IQCH: variants seen among roughly 807,000 people sequenced by gnomAD.
The protein encoded by IQCH is IQ domain-containing protein H.
In IQCH, 98 loss-of-function variants were observed where a neutral mutation model predicts 117.0. That is an observed-to-expected ratio of 0.84 (90% CI 0.71 to 0.99). The LOEUF (loss-of-function observed/expected upper bound fraction) is 0.99, where lower values mean the gene tolerates loss of function less well. Ranked by LOEUF, IQCH falls within the 50% of genes least tolerant of loss-of-function variation. The pLI is 0.00. For synonymous variants in IQCH, 412 were observed against 448.2 expected (o/e 0.92, Z 1.02); for missense variants, 1,102 against 1,243.8 (o/e 0.89, Z 1.72).
chr15:67,274,861 CT>C (rs985653837), intron 3 of IQCH, among the ~76,000 whole-genome samples: 2 of 152,040 alleles, frequency 1.3e-5, no homozygotes, highest in Non-Finnish European at 2.9e-5. Flanking sequence ...TTGCTGTCTC[CT>C]TTTTGGCACT....
rs1965452208 is a variant in IQCH at position 67,261,309 on chromosome 15, C to T, written c.89C>T (p.Thr30Ile). The change falls in exon 2 of 21, where the codon ACA becomes ATA. Residue 30 changes from threonine (T) to isoleucine (I), a missense_variant. Physicochemically the swap from Thr to Ile is moderately conservative, Grantham distance 89 (BLOSUM62 -1). Around this residue, in one of 2 missense-constraint regions of IQCH, gnomAD observed 452 missense variants for 449.6 expected, o/e 1.01. Coordinates refer to ENST00000335894, the MANE Select transcript of IQCH (RefSeq NM_001031715.3). ...CTTTATCAGTTAAAGGAGAAATTAA[C>T]AAAATTCTCACCTGAGGAAAAAGGA... ...EDLYQLKEKL[T>I]KFSPEEKGET... is the part of the protein sequence containing the mutation. The T allele has an allele frequency of 6.4e-7, 1 of 1,570,932 alleles. No homozygotes were observed. The highest frequency in any genetic ancestry group is 8.6e-7 in the Non-Finnish European group (1 of 1,160,360).
chr15:67,358,375 T>C (rs1969999351), intron 7 of IQCH, among the ~76,000 whole-genome samples: 1 of 149,812 alleles, frequency 6.7e-6, no homozygotes, highest in African/African-American at 2.5e-5. Context: ...TTTGTATTTT[T>C]AGTAAAAACA....
At position 67,475,863 on chromosome 15, in the gene IQCH, G is replaced by A; in HGVS notation, c.2799+45G>A. ...GCCAGGGGCGGCCAAAGACATGCCT[G>A]TGGGTGATCTAGGTAGCTAATAATT... On this transcript the variant is annotated intron_variant, in intron 18 of 20. Transcript: ENST00000335894. The surrounding 1 kb of genome is among the most constrained non-coding windows in gnomAD (Gnocchi z 5.7). The A allele has an allele frequency of 6.4e-7, 1 of 1,553,972 alleles. No individual in the cohort carries two copies. The highest frequency in any genetic ancestry group is 1.1e-5 in the South Asian group (1 of 88,764).
At position 67,292,656 on chromosome 15, in the gene IQCH, T is replaced by C. The variant is rs138949421; in HGVS notation, c.387+13144T>C. Among the ~76,000 whole-genome samples, 79 of 152,324 alleles carry C rather than the reference T, an allele frequency of 5.2e-4. 1 individual carries two copies. The East Asian group carries it at 0.012, about 22-fold the overall frequency. ...AATTGTTAACCTTTACCATTTTTGC[T>C]TCATCTATTTTTATTGAAGTGTTTT... is the stretch of plus-strand genomic sequence containing the variant. On this transcript the variant is annotated intron_variant, in intron 4 of 20. Transcript: ENST00000335894.
rs1252684048 is a variant in IQCH, at chr15:67,364,985, G to C, written c.753+5100G>C. On this transcript the variant is annotated intron_variant, in intron 8 of 20. Coordinates refer to ENST00000335894, the MANE Select transcript of IQCH (RefSeq NM_001031715.3). This position sits in a 1 kb window ranked among gnomAD's most constrained non-coding sequence, Gnocchi z 4.1. ...AGATGCGGTCTCTCTCTGTCACCTA[G>C]TCTGCAGTGCAGTGGCACGATTGTG... Among the ~76,000 whole-genome samples, 2 of 152,154 alleles carry C rather than the reference G, an allele frequency of 1.3e-5. No individual in the cohort carries two copies. The highest frequency in any genetic ancestry group is 3.8e-4 in the East Asian group (2 of 5,196).
At chr15:67,271,129 C>A (rs184813225) in intron 3 of IQCH, among the ~76,000 whole-genome samples, 1 of 152,158 alleles carries the variant, frequency 6.6e-6, no homozygotes, top group South Asian at 2.1e-4. Flanking sequence ...CCACCGTGCC[C>A]GGCTAATTTT....
At chr15:67,303,078 A>G (rs140933701) in intron 4 of IQCH, among the ~76,000 whole-genome samples, 233 of 152,326 alleles carry the variant, frequency 1.5e-3, no homozygotes, top group African/African-American at 5.4e-3. Context: ...TCCAATTCCT[A>G]CAACATTTTA....
intron 5 of IQCH, among the ~76,000 whole-genome samples, chr15:67,339,793 A>G (rs1008705267): frequency 3.3e-5 from 5 of 152,202 alleles, no homozygotes; most frequent in Admixed American, 3.3e-4. Flanking sequence ...AGGTGGGGCA[A>G]GAATGTTCAT....
At chr15:67,409,809 G>A (rs925087948) in intron 14 of IQCH, among the ~76,000 whole-genome samples, 5 of 152,154 alleles carry the variant, frequency 3.3e-5, no homozygotes, top group African/African-American at 9.7e-5. Flanking sequence ...GGTAATGTTG[G>A]CTGTTTTACA....
chr15:67,414,378 C>T (rs1254106643), intron 14 of IQCH, among the ~76,000 whole-genome samples: 1 of 152,072 alleles, frequency 6.6e-6, no homozygotes, highest in African/African-American at 2.4e-5. Context: ...GAAGAGAAGG[C>T]TTCCTGGAGG....
Position 67,372,669 on chromosome 15 carries a change from A to T in IQCH, c.1305+7A>T. The T allele has an allele frequency of 6.3e-7, 1 of 1,592,024 alleles. No individual in the cohort carries two copies. ...TTTTCGCATTCGAGCCAAGGTGCAC[A>T]AGGCTGCCAGCTGTTAAGGCAGACC... On this transcript the variant is annotated splice_region_variant and intron_variant, in intron 9 of 20. Coordinates refer to ENST00000335894, the MANE Select transcript of IQCH (RefSeq NM_001031715.3).
chr15:67,381,680 G>A lies in IQCH; in HGVS notation c.1373-3256G>A, dbSNP rs1177487736. On this transcript the variant is annotated intron_variant, in intron 10 of 20. Coordinates refer to ENST00000335894, the MANE Select transcript of IQCH (RefSeq NM_001031715.3). The surrounding 1 kb of genome is among the most constrained non-coding windows in gnomAD (Gnocchi z 5.1). Reference sequence around the variant, plus strand: ...GTGATCAGAACACACAGGAGAAAGGGCTAAGAATTTAAAAGACAGGCCGGA... The same window carrying A: ...GTGATCAGAACACACAGGAGAAAGGACTAAGAATTTAAAAGACAGGCCGGA... Among the ~76,000 whole-genome samples the A allele has an allele frequency of 6.6e-6, 1 of 152,104 alleles. No individual in the cohort carries two copies. Among genetic ancestry groups the A allele is most frequent in the Non-Finnish European group, 1.5e-5 (1 of 68,004 alleles).
chr15:67,490,586 G>A lies in IQCH; in HGVS notation c.2861+522G>A, dbSNP rs986162153. On this transcript the variant is annotated intron_variant, in intron 19 of 20. Transcript: ENST00000335894. The surrounding 1 kb of genome is among the most constrained non-coding windows in gnomAD (Gnocchi z 4.9). ...TTAATTACCTAAAATTAATGGGTAA[G>A]ATTTAGATTTAACAACATATTATAC... Among the ~76,000 whole-genome samples, 1 of 152,172 alleles carries A rather than the reference G, an allele frequency of 6.6e-6. No homozygotes were observed. The highest frequency in any genetic ancestry group is 1.5e-5 in the Non-Finnish European group (1 of 68,040).
intron 3 of IQCH, among the ~76,000 whole-genome samples, chr15:67,274,601 G>A (rs1200459010): frequency 6.6e-6 from 1 of 151,950 alleles, no homozygotes; most frequent in African/African-American, 2.4e-5. Context: ...CCTTATAATT[G>A]CTATTTTGTT....
intron 6 of IQCH, among the ~76,000 whole-genome samples, chr15:67,353,400 C>T (rs1211120995): frequency 6.7e-6 from 1 of 149,918 alleles, no homozygotes; most frequent in African/African-American, 2.5e-5. Flanking sequence ...CACTCTGTAG[C>T]ACAAGCTGGA....
At chr15:67,289,375 T>C (rs1477476676) in intron 4 of IQCH, among the ~76,000 whole-genome samples, 1 of 152,074 alleles carries the variant, frequency 6.6e-6, no homozygotes, top group Non-Finnish European at 1.5e-5. Context: ...GTCTGAATTA[T>C]TGCAGTGATC....
At chr15:67,371,413 T>C in intron 8 of IQCH, 2 of 1,278,410 alleles carry the variant, frequency 1.6e-6, no homozygotes, top group South Asian at 3.9e-5. Flanking sequence ...AATGCTCCCT[T>C]GGTTTTGTTA....
chr15:67,287,255 C>T (rs1966598355), intron 4 of IQCH, among the ~76,000 whole-genome samples: 1 of 152,042 alleles, frequency 6.6e-6, no homozygotes, highest in African/African-American at 2.4e-5. Context: ...TTTGGTCTGG[C>T]TTTGGTATCA....
intron 6 of IQCH, among the ~76,000 whole-genome samples, chr15:67,354,339 A>G (rs1969795520): frequency 6.6e-6 from 1 of 151,988 alleles, no homozygotes; most frequent in Non-Finnish European, 1.5e-5. Flanking sequence ...AAAAGAAAAA[A>G]CCTCATGGTC....
Sources: allele counts gnomAD v4.1 joint callset (sites outside exome capture counted in the v4.1 genomes callset), GRCh38; gene constraint gnomAD v4.1.1; regional missense constraint gnomAD v4.1.1; non-coding constraint Gnocchi (gnomAD v3.1); transcripts MANE v1.5; gene names NCBI Gene and HGNC (gene_info 2026-07-23, HGNC 2026-07-21).